The following MACROD2 variants were observed in gnomAD, a reference collection of about 807,000 sequenced individuals.
The protein encoded by MACROD2 is mono-ADP ribosylhydrolase 2.
In MACROD2, 36 loss-of-function variants were observed where a neutral mutation model predicts 70.4. That is an observed-to-expected ratio of 0.51 (90% CI 0.39 to 0.68). The LOEUF is 0.68. MACROD2 is among the 30% of genes least tolerant of loss of function. The pLI, the probability that MACROD2 is intolerant of heterozygous loss-of-function variation, is 0.00. For synonymous variants in MACROD2, 172 were observed against 178.8 expected (o/e 0.96, Z 0.30); for missense variants, 496 against 538.4 (o/e 0.92, Z 0.78).
Position 14,953,518 on chromosome 20 carries a change from G to T in MACROD2, c.418+268559G>T, listed in dbSNP as rs556988402. Among the ~76,000 whole-genome samples, 29 of 152,226 alleles carry T rather than the reference G, an allele frequency of 1.9e-4. 1 individual carries two copies. The Middle Eastern group carries it at 0.014, about 71-fold the overall frequency. ...AGATGGGGTTTCACGTGTTAGCCAG[G>T]ATGGTCTCGATCTCCTGACCTCATG... On this transcript the variant is annotated intron_variant, in intron 5 of 17. Coordinates refer to ENST00000684519, the MANE Select transcript of MACROD2 (RefSeq NM_001351661.2).
At chr20:15,730,157 C>T (rs910064740) in intron 8 of MACROD2, among the ~76,000 whole-genome samples, 1 of 152,142 alleles carries the variant, frequency 6.6e-6, no homozygotes, top group African/African-American at 2.4e-5. Context: ...TTTGACTTGC[C>T]ACTCTGTGCC....
chr20:15,393,861 A>T lies in MACROD2; in HGVS notation c.541-37544A>T, dbSNP rs73614413. ...ATTGGCTATTACGATTATCTCTGCA[A>T]GTCATATTTTCACACCTGCCCTCTT... On this transcript the variant is annotated intron_variant, in intron 6 of 17. Transcript: ENST00000684519. Among the ~76,000 whole-genome samples, 5 of 152,228 alleles carry T rather than the reference A, an allele frequency of 3.3e-5. No homozygotes were observed. In the East Asian group the frequency reaches 7.7e-4, roughly 23 times the overall value.
intron 5 of MACROD2, among the ~76,000 whole-genome samples, chr20:15,144,233 T>C (rs2145851336): frequency 6.6e-6 from 1 of 152,260 alleles, no homozygotes; most frequent in South Asian, 2.1e-4. Context: ...TAGAATTAAA[T>C]GAACCACTGC....
chr20:15,681,156 G>A (rs773638512), intron 8 of MACROD2, among the ~76,000 whole-genome samples: 10 of 152,154 alleles, frequency 6.6e-5, no homozygotes, highest in Non-Finnish European at 1.2e-4. Context: ...TGTACTCTAC[G>A]TTTAAAGCTC....
At chr20:15,128,856 C>A (rs1442862907) in intron 5 of MACROD2, among the ~76,000 whole-genome samples, 2 of 142,562 alleles carry the variant, frequency 1.4e-5, no homozygotes, top group Admixed American at 7.0e-5. Context: ...TTTTTTTTTT[C>A]ATCTACTTTT....
At chr20:15,779,846 G>A (rs562040359) in intron 8 of MACROD2, among the ~76,000 whole-genome samples, 3 of 152,178 alleles carry the variant, frequency 2.0e-5, no homozygotes, top group South Asian at 2.1e-4. Context: ...ACTGTTCCAC[G>A]TGGGGCGAAA....
intron 7 of MACROD2, among the ~76,000 whole-genome samples, chr20:15,444,160 C>A (rs1041763989): frequency 1.3e-5 from 2 of 152,146 alleles, no homozygotes. Context: ...TAAATGGAAT[C>A]ATAAACTATG....
intron 5 of MACROD2, among the ~76,000 whole-genome samples, chr20:14,748,365 A>G (rs1294522991): frequency 6.6e-6 from 1 of 152,118 alleles, no homozygotes; most frequent in Non-Finnish European, 1.5e-5. Flanking sequence ...CTTCCCCTTC[A>G]AGAAACCATC....
At chr20:14,617,768 A>C (rs1295279151) in intron 4 of MACROD2, among the ~76,000 whole-genome samples, 1 of 152,136 alleles carries the variant, frequency 6.6e-6, no homozygotes, top group Non-Finnish European at 1.5e-5. Context: ...AGACTCTGCG[A>C]AATTTGAATT....
intron 5 of MACROD2, among the ~76,000 whole-genome samples, chr20:14,953,816 G>A (rs1269261263): frequency 1.3e-5 from 2 of 152,106 alleles, no homozygotes; most frequent in Non-Finnish European, 2.9e-5. Flanking sequence ...AAAAATTTTA[G>A]TATTTGATGT....
chr20:14,391,484 A>G (rs1156790590), intron 3 of MACROD2, among the ~76,000 whole-genome samples: 2 of 152,056 alleles, frequency 1.3e-5, no homozygotes, highest in African/African-American at 2.4e-5. Flanking sequence ...CTGGAAGGTA[A>G]AAACAGAGAG....
At chr20:14,557,308 C>T (rs572650767) in intron 4 of MACROD2, among the ~76,000 whole-genome samples, 18 of 151,858 alleles carry the variant, frequency 1.2e-4, no homozygotes, top group South Asian at 6.2e-4. Flanking sequence ...CATGACCTTG[C>T]GCAATGAATT....
chr20:14,693,044 A>G (rs190810840), intron 5 of MACROD2, among the ~76,000 whole-genome samples: 1 of 152,314 alleles, frequency 6.6e-6, no homozygotes, highest in Admixed American at 6.5e-5. Flanking sequence ...CCTTTAGAGG[A>G]CGCTGTCTAT....
chr20:15,331,777 T>C (rs894094692), intron 6 of MACROD2, among the ~76,000 whole-genome samples: 3 of 151,566 alleles, frequency 2.0e-5, no homozygotes, highest in Admixed American at 6.6e-5. Context: ...TGCAAATACA[T>C]ATCCATACAT....
chr20:14,832,573 T>TG (rs1260940435), intron 5 of MACROD2, among the ~76,000 whole-genome samples: 4 of 152,248 alleles, frequency 2.6e-5, no homozygotes, highest in Non-Finnish European at 5.9e-5. Flanking sequence ...TCTACCTCTT[T>TG]GGGGTGCCCC....
chr20:14,922,292 CT>C (rs1185750540), intron 5 of MACROD2, among the ~76,000 whole-genome samples: 41 of 151,880 alleles, frequency 2.7e-4, no homozygotes, highest in Non-Finnish European at 7.4e-5. Context: ...TTTTTTCCTG[CT>C]TTTTTTTGTA....
intron 5 of MACROD2, among the ~76,000 whole-genome samples, chr20:14,719,140 G>A (rs2071432837): frequency 6.6e-6 from 1 of 152,014 alleles, no homozygotes; most frequent in African/African-American, 2.4e-5. Context: ...TCTGAGGCAG[G>A]AGAATCACTT....
intron 12 of MACROD2, among the ~76,000 whole-genome samples, chr20:15,941,157 T>A (rs576858804): frequency 6.6e-6 from 1 of 152,186 alleles, no homozygotes; most frequent in Non-Finnish European, 1.5e-5. Context: ...CTTTTAATGA[T>A]GGTAACTCCA....
intron 3 of MACROD2, among the ~76,000 whole-genome samples, chr20:14,435,383 G>A (rs6079442): frequency 0.96 from 146,730 of 152,222 alleles, 70,967 homozygotes; most frequent in East Asian, 1. Flanking sequence ...CAATTAAACT[G>A]CCATTCAAGT....
Sources: gnomAD v4.1 joint callset for allele counts (sites outside exome capture counted in the v4.1 genomes callset) on GRCh38, gnomAD v4.1.1 for gene constraint, MANE v1.5 for transcripts, NCBI Gene and HGNC (gene_info 2026-07-23, HGNC 2026-07-21) for gene names.